COPB1: variants seen among roughly 807,000 people sequenced by gnomAD.
The protein encoded by COPB1 is coat protein complex I subunit beta 1.
In COPB1, 21 loss-of-function variants were observed where a neutral mutation model predicts 108.7. That is an observed-to-expected ratio of 0.19 (90% CI 0.14 to 0.28). The LOEUF is 0.28. COPB1 is among the 10% of genes least tolerant of loss of function. COPB1 has a pLI of 1.00. For synonymous variants in COPB1, 378 were observed against 386.8 expected (o/e 0.98, Z 0.27); for missense variants, 919 against 1,141.3 (o/e 0.81, Z 2.81).
chr11:14,466,562 G>A, intron 16 of COPB1, 136 bp from the exon 17 acceptor site: 1 of 784,870 alleles, frequency 1.3e-6, no homozygotes, highest in South Asian at 2.1e-5. Context: ...AAATAAAATT[G>A]TTTTATAATG....
intron 16 of COPB1, 78 bp from the exon 17 acceptor site, chr11:14,466,504 C>T: frequency 7.0e-7 from 1 of 1,430,256 alleles, no homozygotes; most frequent in South Asian, 1.3e-5. Flanking sequence ...ATGATTAAGT[C>T]TGGTAGGTTA....
chr11:14,496,111 A>G (rs1851011471), intron 2 of COPB1, among the ~76,000 whole-genome samples: 1 of 152,216 alleles, frequency 6.6e-6, no homozygotes. Flanking sequence ...TTTCTTTTCA[A>G]ACTGCAAACT....
At position 14,477,022 on chromosome 11, in the gene COPB1, C is replaced by G; in HGVS notation, c.1359-7G>C. ...TAATGCTCCTCGGTAAATCCTAGCA[C>G]AATACAAGATCTGAAACATGAACTT... On this transcript the variant is annotated splice_region_variant and splice_polypyrimidine_tract_variant and intron_variant, in intron 11 of 21. Transcript: ENST00000439561. The G allele has an allele frequency of 1.3e-6, 2 of 1,546,356 alleles. No homozygotes were observed. The highest frequency in any genetic ancestry group is 1.8e-6 in the Non-Finnish European group (2 of 1,119,082).
chr11:14,483,504 A>T (rs955454228), intron 7 of COPB1, among the ~76,000 whole-genome samples: 4 of 152,202 alleles, frequency 2.6e-5, no homozygotes, highest in Non-Finnish European at 4.4e-5. Flanking sequence ...GAATCCCAAG[A>T]AGTACATCGA....
At chr11:14,472,998 G>T (rs747372434) in intron 14 of COPB1, among the ~76,000 whole-genome samples, 1 of 151,882 alleles carries the variant, frequency 6.6e-6, no homozygotes, top group Non-Finnish European at 1.5e-5. Flanking sequence ...TCCTCGAGAC[G>T]GAGTCTTGTT....
intron 20 of COPB1, among the ~76,000 whole-genome samples, chr11:14,459,476 G>GT (rs1224650761): frequency 6.6e-6 from 1 of 151,306 alleles, no homozygotes; most frequent in South Asian, 2.1e-4. Flanking sequence ...TTTCTCTCTC[G>GT]TTTTTTTCAT....
At chr11:14,479,932 C>G (rs1342307062) in intron 10 of COPB1, among the ~76,000 whole-genome samples, 1 of 152,080 alleles carries the variant, frequency 6.6e-6, no homozygotes, top group Admixed American at 6.5e-5. Flanking sequence ...TCAGCCTCCC[C>G]AGGAGCTAGG....
At chr11:14,472,915 T>C (rs981547006) in intron 14 of COPB1, among the ~76,000 whole-genome samples, 6 of 152,208 alleles carry the variant, frequency 3.9e-5, no homozygotes, top group Admixed American at 3.3e-4. Flanking sequence ...TGGCTGGTTT[T>C]ATCTTCTATC....
At chr11:14,473,626 A>G (rs1850456886) in intron 14 of COPB1, among the ~76,000 whole-genome samples, 1 of 152,062 alleles carries the variant, frequency 6.6e-6, no homozygotes, top group South Asian at 2.1e-4. Context: ...TTTATATGGG[A>G]ATGGTTCCTG....
intron 7 of COPB1, among the ~76,000 whole-genome samples, chr11:14,485,144 GCA>G (rs1850743052): frequency 6.6e-6 from 1 of 152,104 alleles, no homozygotes; most frequent in South Asian, 2.1e-4. Flanking sequence ...GGGACTATAA[GCA>G]CACACCACCA....
chr11:14,467,739 G>A (rs925812921), intron 16 of COPB1, among the ~76,000 whole-genome samples: 7 of 152,300 alleles, frequency 4.6e-5, no homozygotes, highest in Non-Finnish European at 1.0e-4. Context: ...TACATGCTAT[G>A]ACATGAATGA....
At chr11:14,477,896 C>CAAAAA (rs1289045044) in intron 11 of COPB1, among the ~76,000 whole-genome samples, 1 of 59,886 alleles carries the variant, frequency 1.7e-5, no homozygotes, top group Non-Finnish European at 3.3e-5. Context: ...GACTCCATCT[C>CAAAAA]AAAAAAAAAA....
In COPB1 at chr11:14,486,494, G is replaced by A. The variant is rs1250581673; in HGVS notation, c.710C>T (p.Ala237Val). 6.2e-7 allele frequency: 1 copy of A among 1,613,824 alleles called. No homozygotes were observed. Among genetic ancestry groups the A allele is most frequent in the Admixed American group, 1.7e-5 (1 of 60,006 alleles). Residue 237 changes from alanine (A) to valine (V), a missense_variant, in exon 7 of 22, where the codon GCT (alanine) becomes GTT (valine). Physicochemically the swap from Ala to Val is moderately conservative, Grantham distance 64. This residue lies in a region of COPB1 where 22 missense variants were observed against 61.0 expected (regional missense o/e 0.36). Transcript: ENST00000439561. ...AAAACGAGCTCTTTCTGATGGATTA[G>A]CATGACAGACCTGGAGAAGAAAACA... is the stretch of plus-strand genomic sequence containing the variant. Reference protein sequence around the residue: ...IVELIYKVCHANPSERARFIR... With the variant: ...IVELIYKVCHVNPSERARFIR...
At chr11:14,475,670 C>G in intron 13 of COPB1, 115 bp downstream of exon 13, 2 of 1,116,962 alleles carry the variant, frequency 1.8e-6, no homozygotes, top group South Asian at 5.5e-5. Flanking sequence ...CCTTAAATGG[C>G]AAAGATTTTC....
intron 14 of COPB1, among the ~76,000 whole-genome samples, chr11:14,472,045 T>A (rs1282778315): frequency 1.3e-5 from 2 of 152,188 alleles, no homozygotes; most frequent in African/African-American, 2.4e-5. Flanking sequence ...ATACGAAAGC[T>A]GAAGGAATCA....
Position 14,477,027 on chromosome 11 carries a change from C to T in COPB1, c.1359-12G>A. ...CTCCTCGGTAAATCCTAGCACAATA[C>T]AAGATCTGAAACATGAACTTGGCAG... On this transcript the variant is annotated splice_polypyrimidine_tract_variant and intron_variant, in intron 11 of 21. Coordinates refer to ENST00000439561, the MANE Select transcript of COPB1 (RefSeq NM_001144061.2). The T allele has an allele frequency of 6.6e-7, 1 of 1,523,874 alleles. No individual in the cohort carries two copies. Among genetic ancestry groups the T allele is most frequent in the South Asian group, 1.1e-5 (1 of 88,632 alleles). 94.4% of individuals were successfully genotyped at this position (1,523,874 alleles called of 1,614,324 possible). A position where few individuals can be genotyped will look rare whatever the true frequency, so the allele number is the denominator to read the frequency against.
chr11:14,495,275 T>C (rs1036114397), intron 2 of COPB1, among the ~76,000 whole-genome samples: 6 of 152,188 alleles, frequency 3.9e-5, no homozygotes, highest in African/African-American at 1.4e-4. Context: ...TACAACTGTT[T>C]AGATCATCAA....
At chr11:14,483,003 A>G in intron 8 of COPB1, 29 bp downstream of exon 8, 1 of 1,511,080 alleles carries the variant, frequency 6.6e-7, no homozygotes, top group African/African-American at 1.4e-5. Context: ...CATTTTATTT[A>G]GGATCTCTCT....
chr11:14,497,535 CA>C (rs1398420940), intron 2 of COPB1, among the ~76,000 whole-genome samples: 1 of 152,006 alleles, frequency 6.6e-6, no homozygotes, highest in African/African-American at 2.4e-5. Context: ...AAAAGACAAG[CA>C]AAAACAAATG....
Sources: allele counts gnomAD v4.1 joint callset (sites outside exome capture counted in the v4.1 genomes callset), GRCh38; gene constraint gnomAD v4.1.1; regional missense constraint gnomAD v4.1.1; transcripts MANE v1.5; gene names NCBI Gene and HGNC (gene_info 2026-07-23, HGNC 2026-07-21).